The following RORA variants were observed in gnomAD, a reference collection of about 807,000 sequenced individuals.
RORA encodes the protein RAR related orphan receptor A.
In RORA, 7 loss-of-function variants were observed where a neutral mutation model predicts 69.5. The ratio of observed to expected loss-of-function variants is 0.10; its 90% CI spans 0.06 to 0.19. The LOEUF (loss-of-function observed/expected upper bound fraction) is 0.19, where lower values mean the gene tolerates loss of function less well. Ranked by LOEUF, RORA falls within the 10% of genes least tolerant of loss-of-function variation. The pLI, the probability that RORA is intolerant of heterozygous loss-of-function variation, is 1.00. For missense variants in RORA, 457 were observed against 663.0 expected (o/e 0.69, Z 3.41); for synonymous variants, 261 against 240.8 (o/e 1.08, Z -0.78).
chr15:60,788,681 G>C (rs2072374613), intron 1 of RORA, among the ~76,000 whole-genome samples: 1 of 152,102 alleles, frequency 6.6e-6, no homozygotes, highest in Admixed American at 6.5e-5. Context: ...GCACCACGGG[G>C]CTGATTGCTT....
intron 6 of RORA, among the ~76,000 whole-genome samples, chr15:60,504,690 C>G (rs1191037578): frequency 6.6e-6 from 1 of 152,208 alleles, no homozygotes; most frequent in Non-Finnish European, 1.5e-5. Flanking sequence ...GCTGGCATTA[C>G]CTGCTACCTC....
At chr15:60,726,951 A>G (rs1194470800) in intron 1 of RORA, among the ~76,000 whole-genome samples, 3 of 152,172 alleles carry the variant, frequency 2.0e-5, no homozygotes, top group Non-Finnish European at 2.9e-5. Flanking sequence ...TCTCCTTATA[A>G]TTAACCCTGA....
intron 1 of RORA, among the ~76,000 whole-genome samples, chr15:61,076,012 A>T (rs2078443856): frequency 1.3e-5 from 2 of 152,136 alleles, no homozygotes; most frequent in South Asian, 4.1e-4. Context: ...GCCAGCCTTC[A>T]CTTCCTCAAA....
intron 1 of RORA, among the ~76,000 whole-genome samples, chr15:61,109,577 T>C (rs2078984628): frequency 6.6e-6 from 1 of 152,230 alleles, no homozygotes; most frequent in Non-Finnish European, 1.5e-5. Context: ...AAATCTAACC[T>C]GATTAAATAG....
chr15:61,089,971 A>G (rs1055300651), intron 1 of RORA, among the ~76,000 whole-genome samples: 1 of 152,190 alleles, frequency 6.6e-6, no homozygotes, highest in Non-Finnish European at 1.5e-5. Context: ...CTTTAACTAT[A>G]AGACCTGGGG....
At chr15:60,577,381 C>T (rs148344365) in intron 2 of RORA, among the ~76,000 whole-genome samples, 1 of 152,114 alleles carries the variant, frequency 6.6e-6, no homozygotes, top group Non-Finnish European at 1.5e-5. Context: ...TGGTGGCTCA[C>T]GCCTGTAATC....
intron 1 of RORA, among the ~76,000 whole-genome samples, chr15:60,960,814 C>G (rs1893397054): frequency 6.6e-6 from 1 of 152,222 alleles, no homozygotes; most frequent in South Asian, 2.1e-4. Context: ...CCCTGCATCA[C>G]CACCATCATT....
At chr15:60,866,394 A>G (rs1279061369) in intron 1 of RORA, among the ~76,000 whole-genome samples, 4 of 152,236 alleles carry the variant, frequency 2.6e-5, no homozygotes, top group Non-Finnish European at 2.9e-5. Flanking sequence ...GTCTTCATCC[A>G]TTTCTGTTAC....
intron 1 of RORA, among the ~76,000 whole-genome samples, chr15:61,112,825 G>T (rs1209156609): frequency 1.3e-5 from 2 of 152,184 alleles, no homozygotes; most frequent in Non-Finnish European, 2.9e-5. Context: ...CAGGCAGACG[G>T]GAGTCAGATG....
intron 2 of RORA, among the ~76,000 whole-genome samples, chr15:60,545,994 C>T (rs906655084): frequency 2.6e-5 from 4 of 152,150 alleles, no homozygotes; most frequent in Admixed American, 6.5e-5. Flanking sequence ...AACTTTTGAA[C>T]GTGGTGATCA....
intron 2 of RORA, among the ~76,000 whole-genome samples, chr15:60,610,683 A>G (rs2069064445): frequency 6.6e-6 from 1 of 152,164 alleles, no homozygotes; most frequent in Non-Finnish European, 1.5e-5. Context: ...CTAAGTAGGC[A>G]GTGATAGAAA....
chr15:61,077,121 C>G (rs2078463347), intron 1 of RORA, among the ~76,000 whole-genome samples: 1 of 151,606 alleles, frequency 6.6e-6, no homozygotes, highest in Non-Finnish European at 1.5e-5. Context: ...AGAATGATAC[C>G]TCCTTAAAGC....
At chr15:60,697,502 C>G (rs1596135283) in intron 1 of RORA, among the ~76,000 whole-genome samples, 1 of 152,226 alleles carries the variant, frequency 6.6e-6, no homozygotes. Context: ...CCTCATTGAA[C>G]CATCTATTCT....
intron 1 of RORA, among the ~76,000 whole-genome samples, chr15:61,078,311 G>A (rs2078483600): frequency 2.0e-5 from 3 of 150,160 alleles, no homozygotes; most frequent in East Asian, 2.0e-4. Flanking sequence ...TTACAGGCAC[G>A]TGCCACCACA....
At chr15:61,164,577 G>A (rs2079525236) in intron 1 of RORA, among the ~76,000 whole-genome samples, 1 of 152,210 alleles carries the variant, frequency 6.6e-6, no homozygotes, top group South Asian at 2.1e-4. Flanking sequence ...GTTCCTGTTG[G>A]GTAGATCATA....
intron 1 of RORA, among the ~76,000 whole-genome samples, chr15:61,153,193 G>A (rs958723943): frequency 6.6e-6 from 1 of 152,164 alleles, no homozygotes; most frequent in South Asian, 2.1e-4. Context: ...GCAGGTTGGA[G>A]CCCCAAGGAG....
At chr15:60,978,049 G>A (rs1893927271) in intron 1 of RORA, among the ~76,000 whole-genome samples, 1 of 152,148 alleles carries the variant, frequency 6.6e-6, no homozygotes, top group Non-Finnish European at 1.5e-5. Context: ...GTTTTCCACA[G>A]AGGCTGGATC....
intron 1 of RORA, among the ~76,000 whole-genome samples, chr15:60,904,360 A>G (rs998897568): frequency 6.6e-6 from 1 of 152,156 alleles, no homozygotes; most frequent in African/African-American, 2.4e-5. Flanking sequence ...GGGGAGGTGA[A>G]CTTGAACTGT....
intron 1 of RORA, among the ~76,000 whole-genome samples, chr15:60,762,265 A>G (rs2140873142): frequency 6.6e-6 from 1 of 152,352 alleles, no homozygotes; most frequent in Non-Finnish European, 1.5e-5. Flanking sequence ...AGGGGATTCC[A>G]GGCAAGATAA....
Sources: allele counts gnomAD v4.1 joint callset (sites outside exome capture counted in the v4.1 genomes callset), GRCh38; gene constraint gnomAD v4.1.1; transcripts MANE v1.5; gene names NCBI Gene and HGNC (gene_info 2026-07-23, HGNC 2026-07-21).